The following SMOC2 variants were observed in gnomAD, a reference collection of about 807,000 sequenced individuals.
SMOC2 encodes SPARC-related modular calcium-binding protein 2.
In SMOC2, 39 loss-of-function variants were observed where a neutral mutation model predicts 61.4. That is an observed-to-expected ratio of 0.64 (90% CI 0.49 to 0.83). The LOEUF (loss-of-function observed/expected upper bound fraction) is 0.83, where lower values mean the gene tolerates loss of function less well. Ranked by LOEUF, SMOC2 falls within the 40% of genes least tolerant of loss-of-function variation. SMOC2 has a pLI of 0.00. For missense variants in SMOC2, 556 were observed against 592.9 expected, an observed-to-expected ratio of 0.94 and a Z score of 0.65; for synonymous variants, 247 against 239.9, an observed-to-expected ratio of 1.03 and a Z score of -0.27.
At chr6:168,462,346 A>G (rs1339166551) in intron 1 of SMOC2, among the ~76,000 whole-genome samples, 2 of 152,196 alleles carry the variant, frequency 1.3e-5, no homozygotes. Flanking sequence ...ATGAGGTTGT[A>G]AACATGTCCT....
intron 9 of SMOC2, among the ~76,000 whole-genome samples, chr6:168,634,161 G>T (rs1786651050): frequency 1.3e-5 from 2 of 152,148 alleles, no homozygotes; most frequent in African/African-American, 4.8e-5. Flanking sequence ...CGTGAGAACG[G>T]ACTAATACAC....
chr6:168,512,242 A>T (rs1219088373), intron 2 of SMOC2, among the ~76,000 whole-genome samples: 2 of 152,118 alleles, frequency 1.3e-5, no homozygotes, highest in Non-Finnish European at 2.9e-5. Context: ...AGACACAGGA[A>T]GTCGTGGGCA....
intron 1 of SMOC2, among the ~76,000 whole-genome samples, chr6:168,473,886 G>A (rs894625274): frequency 5.9e-5 from 9 of 152,204 alleles, no homozygotes; most frequent in East Asian, 1.9e-4. Context: ...GGGACAGCAC[G>A]GCATGTGTGC....
At chr6:168,504,484 A>G (rs1782816253) in intron 1 of SMOC2, among the ~76,000 whole-genome samples, 1 of 151,248 alleles carries the variant, frequency 6.6e-6, no homozygotes, top group Non-Finnish European at 1.5e-5. Context: ...TGCGCAGTTC[A>G]CAATAGGGTT....
chr6:168,611,262 C>T (rs112083873), intron 9 of SMOC2, among the ~76,000 whole-genome samples: 17,529 of 101,910 alleles, frequency 0.17, 2,102 homozygotes, highest in African/African-American at 0.18. Context: ...TTCCCATGTC[C>T]GGGACCCACC....
rs534497545 is a variant in SMOC2, at chr6:168,553,212, T to C, written c.637+4009T>C. On this transcript the variant is annotated intron_variant, in intron 7 of 12. Coordinates refer to ENST00000356284, the MANE Select transcript of SMOC2 (RefSeq NM_001166412.2). The surrounding 1 kb of genome is among the most constrained non-coding windows in gnomAD (Gnocchi z 4.2). Reference sequence around the variant, plus strand: ...TAAGAAAATCATCACTTTCATCATGTGAATCATATACATTAAATAAACGAG... The same window carrying C: ...TAAGAAAATCATCACTTTCATCATGCGAATCATATACATTAAATAAACGAG... 5.9e-5 allele frequency among the ~76,000 whole-genome samples: 9 copies of C among 152,328 alleles called. No homozygotes were observed. The South Asian group carries it at 1.9e-3, about 32-fold the overall frequency.
chr6:168,481,671 C>G (rs927247170), intron 1 of SMOC2, among the ~76,000 whole-genome samples: 1 of 151,822 alleles, frequency 6.6e-6, no homozygotes, highest in African/African-American at 2.4e-5. Context: ...TCCCTTTTAT[C>G]AGAAATTAAT....
Position 168,570,485 on chromosome 6 carries a change from G to A in SMOC2, c.637+21282G>A, listed in dbSNP as rs1025473444. Among the ~76,000 whole-genome samples, 5 of 152,290 alleles carry A rather than the reference G, an allele frequency of 3.3e-5. No homozygotes were observed. In the East Asian group the frequency reaches 7.7e-4, roughly 24 times the overall value. ...CAGGGCGCACTCCTGCTAATTCTCC[G>A]TGCTCAGCTAGGAGGGAGCCAGGTT... On this transcript the variant is annotated intron_variant, in intron 7 of 12. Coordinates refer to ENST00000356284, the MANE Select transcript of SMOC2 (RefSeq NM_001166412.2).
At chr6:168,507,892 C>T (rs562573389) in intron 1 of SMOC2, among the ~76,000 whole-genome samples, 1 of 152,390 alleles carries the variant, frequency 6.6e-6, no homozygotes, top group East Asian at 1.9e-4. Context: ...GCAAAGGCCC[C>T]ATCACCTCTG....
chr6:168,584,571 T>G (rs1785002519), intron 7 of SMOC2, among the ~76,000 whole-genome samples: 1 of 152,214 alleles, frequency 6.6e-6, no homozygotes, highest in African/African-American at 2.4e-5. Flanking sequence ...AATGCAATTT[T>G]CTGAGAAGTG....
intron 1 of SMOC2, among the ~76,000 whole-genome samples, chr6:168,488,086 C>T (rs1782378004): frequency 6.6e-6 from 1 of 152,190 alleles, no homozygotes; most frequent in Non-Finnish European, 1.5e-5. Flanking sequence ...ATCACAGCAC[C>T]ACAAATGGGT....
At chr6:168,637,006 A>G (rs979263816) in intron 9 of SMOC2, among the ~76,000 whole-genome samples, 3 of 145,554 alleles carry the variant, frequency 2.1e-5, no homozygotes, top group Middle Eastern at 3.3e-3. Flanking sequence ...TCCCTCACTC[A>G]TTCCAAGTCC....
At chr6:168,455,638 A>C (rs979045384) in intron 1 of SMOC2, among the ~76,000 whole-genome samples, 4 of 152,252 alleles carry the variant, frequency 2.6e-5, no homozygotes, top group African/African-American at 4.8e-5. Flanking sequence ...TGTAAAGGAA[A>C]AGGTACAGAT....
chr6:168,516,376 CAAAA>C (rs3065283), intron 2 of SMOC2, among the ~76,000 whole-genome samples: 1 of 134,090 alleles, frequency 7.5e-6, no homozygotes, highest in African/African-American at 2.7e-5. Flanking sequence ...ATAGAAAAGC[CAAAA>C]AAAAAAAAAA....
intron 1 of SMOC2, among the ~76,000 whole-genome samples, chr6:168,489,144 G>A (rs1782408861): frequency 6.7e-6 from 1 of 148,526 alleles, no homozygotes; most frequent in South Asian, 2.1e-4. Flanking sequence ...GGATCACACT[G>A]TTGTAGAATG....
chr6:168,600,543 C>G (rs1387900450), intron 8 of SMOC2, among the ~76,000 whole-genome samples: 1 of 152,062 alleles, frequency 6.6e-6, no homozygotes, highest in Non-Finnish European at 1.5e-5. Flanking sequence ...GCTTCGCCTT[C>G]ACAGGCAGCG....
intron 7 of SMOC2, among the ~76,000 whole-genome samples, chr6:168,597,907 G>A (rs1216586624): frequency 6.6e-6 from 1 of 152,162 alleles, no homozygotes; most frequent in Non-Finnish European, 1.5e-5. Context: ...AACTATTTGG[G>A]GCAGAAGATG....
At chr6:168,652,257 G>A (rs1240611160) in intron 10 of SMOC2, among the ~76,000 whole-genome samples, 2 of 152,060 alleles carry the variant, frequency 1.3e-5, no homozygotes, top group Non-Finnish European at 2.9e-5. Flanking sequence ...AAAATCCTCC[G>A]AAAGGTTGAG....
chr6:168,616,540 G>A (rs370535714), intron 9 of SMOC2, among the ~76,000 whole-genome samples: 8 of 152,194 alleles, frequency 5.3e-5, no homozygotes, highest in African/African-American at 1.2e-4. Flanking sequence ...GCAAGAGACC[G>A]TTCCACATGG....
Sources: allele counts gnomAD v4.1 joint callset (sites outside exome capture counted in the v4.1 genomes callset), GRCh38; gene constraint gnomAD v4.1.1; non-coding constraint Gnocchi (gnomAD v3.1); transcripts MANE v1.5; gene names NCBI Gene and HGNC (gene_info 2026-07-23, HGNC 2026-07-21).